ATP2B3: variants seen among roughly 807,000 people sequenced by gnomAD.
ATP2B3 encodes the protein plasma membrane calcium-transporting ATPase 3.
In ATP2B3, 12 loss-of-function variants were observed where a neutral mutation model predicts 70.8. The ratio of observed to expected loss-of-function variants is 0.17; its 90% CI spans 0.11 to 0.27. The LOEUF (loss-of-function observed/expected upper bound fraction) is 0.27, where lower values mean the gene tolerates loss of function less well. Ranked by LOEUF, ATP2B3 falls within the 10% of genes least tolerant of loss-of-function variation. The probability of loss-of-function intolerance (pLI) is 1.00; values close to 1 mark genes in which losing one functional copy is unlikely to be tolerated. For synonymous variants in ATP2B3, 460 were observed against 497.8 expected, an observed-to-expected ratio of 0.92 and a Z score of 1.01; for missense variants, 858 against 1,118.5, an observed-to-expected ratio of 0.77 and a Z score of 3.32.
rs1557009853 is a variant in ATP2B3 at position 153,548,704 on chromosome X, C to T, written c.1188C>T (p.Val396=). ...LVLYFVIETF[V]VEGRTWLAEC... is the part of the protein sequence containing the mutation. ...TCTACTTTGTGATTGAGACGTTTGT[C>T]GTGGAAGGCCGGACATGGCTGGCAG... The change falls in exon 10 of 22, where the codon GTC becomes GTT. Residue 396 remains valine (V), a synonymous_variant. Transcript: ENST00000263519. 1.7e-6 allele frequency: 2 copies of T among 1,209,416 alleles called. No individual in the cohort carries two copies. Among genetic ancestry groups the T allele is most frequent in the South Asian group, 3.5e-5 (2 of 56,717 alleles).
intron 21 of ATP2B3, among the ~76,000 whole-genome samples, chrX:153,571,447 A>G (rs1414512074): frequency 3.6e-5 from 4 of 111,905 alleles, no homozygotes; most frequent in Non-Finnish European, 5.7e-5. Context: ...GCCCCACTCC[A>G]CGCGTTCCTC....
intron 3 of ATP2B3, among the ~76,000 whole-genome samples, chrX:153,539,531 T>G (rs1348924145): frequency 3.5e-5 from 4 of 113,330 alleles, no homozygotes; most frequent in Non-Finnish European, 5.6e-5. Context: ...TGGAGGGTCT[T>G]GTGTGCCTTC....
intron 21 of ATP2B3, among the ~76,000 whole-genome samples, chrX:153,572,197 A>G (rs1194611361): frequency 5.3e-5 from 6 of 112,688 alleles, no homozygotes; most frequent in Non-Finnish European, 1.1e-4. Context: ...TGGATGAGAG[A>G]TGCTCTGAAG....
At position 153,556,036 on chromosome X, in the gene ATP2B3, T is replaced by G. The variant is rs1557013290; in HGVS notation, c.2059-13T>G. 2 of 1,212,134 alleles carry G rather than the reference T, an allele frequency of 1.6e-6. No individual in the cohort carries two copies. The highest frequency in any genetic ancestry group is 2.2e-6 in the Non-Finnish European group (2 of 895,530). ...GCCTCGATGGCCCCGCCCACCTCTCTTGTCTCTTCTAGGTCCCTGAAGCTA... is the reference window on the plus strand; with the variant it reads ...GCCTCGATGGCCCCGCCCACCTCTCGTGTCTCTTCTAGGTCCCTGAAGCTA... On this transcript the variant is annotated splice_polypyrimidine_tract_variant and intron_variant, in intron 13 of 21. Coordinates refer to ENST00000263519, the MANE Select transcript of ATP2B3 (RefSeq NM_001001344.3).
Position 153,547,930 on chromosome X carries a change from G to T in ATP2B3, c.1054G>T (p.Ala352Ser). ...GGAGCGGGAGAAGAAGAAAGCCAAC[G>T]CACCCAAAAAGGAGAAGTCTGTCCT... The part of the protein sequence containing the change: ...MEEREKKKAN[A>S]PKKEKSVLQG... The change falls in exon 9 of 22, where the codon GCA becomes TCA. Residue 352 changes from alanine (A) to serine (S), a missense_variant. Ala to Ser is a moderately conservative substitution (Grantham distance 99). Transcript: ENST00000263519. The T allele has an allele frequency of 8.3e-7, 1 of 1,211,140 alleles. No individual in the cohort carries two copies. Among genetic ancestry groups the T allele is most frequent in the Non-Finnish European group, 1.1e-6 (1 of 895,116 alleles).
chrX:153,569,716 C>A lies in ATP2B3; in HGVS notation c.3342+4613C>A, dbSNP rs1194288881. On this transcript the variant is annotated intron_variant, in intron 21 of 21. Coordinates refer to ENST00000263519, the MANE Select transcript of ATP2B3 (RefSeq NM_001001344.3). ...TAACCAATCTTTCTACCCCTACTCACGCAATTCTCTCTGCTGCCAATCCTA... is the reference window on the plus strand; with the variant it reads ...TAACCAATCTTTCTACCCCTACTCAAGCAATTCTCTCTGCTGCCAATCCTA... 2.5e-6 allele frequency: 3 copies of A among 1,211,688 alleles called. No homozygotes were observed. Among genetic ancestry groups the A allele is most frequent in the Non-Finnish European group, 3.4e-6 (3 of 895,378 alleles).
intron 2 of ATP2B3, among the ~76,000 whole-genome samples, chrX:153,534,779 C>G (rs782113572): frequency 8.8e-6 from 1 of 113,228 alleles, no homozygotes; most frequent in African/African-American, 3.2e-5. Flanking sequence ...CGAGAGTAAA[C>G]GCGCAGGTGC....
intron 2 of ATP2B3, among the ~76,000 whole-genome samples, chrX:153,527,164 G>T (rs188757749): frequency 8.9e-6 from 1 of 112,915 alleles, no homozygotes; most frequent in African/African-American, 3.2e-5. Context: ...GCTGGGACGG[G>T]CACCGAGGTA....
intron 2 of ATP2B3, among the ~76,000 whole-genome samples, chrX:153,526,051 T>G (rs1405385219): frequency 8.9e-6 from 1 of 112,828 alleles, no homozygotes; most frequent in African/African-American, 3.2e-5. Context: ...AGGAGGAAGC[T>G]GGGCTATAGC....
At chrX:153,557,233 C>G (rs2090552261) in intron 16 of ATP2B3, among the ~76,000 whole-genome samples, 1 of 111,291 alleles carries the variant, frequency 9.0e-6, no homozygotes, top group Non-Finnish European at 1.9e-5. Context: ...CTGTGATGCC[C>G]AAGGTGACAG....
intron 3 of ATP2B3, 59 bp downstream of exon 3, chrX:153,536,514 C>T: frequency 9.0e-7 from 1 of 1,117,106 alleles, no homozygotes; most frequent in Non-Finnish European, 1.2e-6. Flanking sequence ...AGAGGAGCGA[C>T]CTGAAGGCAT....
At chrX:153,561,036 G>C in intron 19 of ATP2B3, 149 bp downstream of exon 19, 1 of 632,055 alleles carries the variant, frequency 1.6e-6, no homozygotes. Flanking sequence ...TGTAGCCCCC[G>C]TCCTCTCTGC....
At chrX:153,538,268 A>G (rs2090224183) in intron 3 of ATP2B3, among the ~76,000 whole-genome samples, 1 of 113,026 alleles carries the variant, frequency 8.8e-6, no homozygotes, top group African/African-American at 3.2e-5. Context: ...GTTGTGCCCC[A>G]AGCCCCATGC....
At chrX:153,543,238 C>T (rs1190779674) in intron 7 of ATP2B3, 70 bp downstream of exon 7, 13 of 1,128,727 alleles carry the variant, frequency 1.2e-5, no homozygotes, top group Admixed American at 2.8e-5. Context: ...TCTTTCTTTG[C>T]GGGCCGGTGC....
chrX:153,561,563 G>A (rs1031587078), intron 19 of ATP2B3, among the ~76,000 whole-genome samples: 15 of 111,381 alleles, frequency 1.3e-4, no homozygotes, highest in African/African-American at 2.9e-4. Flanking sequence ...TGGTTCCCTC[G>A]GGGAGGAGCA....
chrX:153,558,346 C>T, intron 17 of ATP2B3, 43 bp downstream of exon 17: 1 of 1,127,572 alleles, frequency 8.9e-7, no homozygotes, highest in African/African-American at 1.8e-5. Flanking sequence ...GACACCTGGG[C>T]TCAGGCCTGA....
Position 153,559,863 on chromosome X carries a change from C to T in ATP2B3, c.2760C>T (p.Leu920=). The change falls in exon 18 of 22, where the codon CTC becomes CTT. Residue 920 remains leucine, a synonymous_variant. Coordinates refer to ENST00000263519, the MANE Select transcript of ATP2B3 (RefSeq NM_001001344.3). ...LRKPYGRDKP[L]ISRTMMKNIL... ...AGCCGTACGGCCGCGACAAGCCCCT[C>T]ATCTCCCGCACCATGATGAAGAACA... The T allele has an allele frequency of 8.2e-7, 1 of 1,212,337 alleles. No individual in the cohort carries two copies. The highest frequency in any genetic ancestry group is 1.1e-6 in the Non-Finnish European group (1 of 895,633).
At chrX:153,556,639 C>G (rs2090541977) in intron 15 of ATP2B3, among the ~76,000 whole-genome samples, 1 of 112,237 alleles carries the variant, frequency 8.9e-6, no homozygotes, top group Admixed American at 9.3e-5. Flanking sequence ...TCTCTAGAAG[C>G]AGTGGGTCTA....
At chrX:153,522,118 G>A (rs1326774101) in intron 2 of ATP2B3, among the ~76,000 whole-genome samples, 2 of 112,626 alleles carry the variant, frequency 1.8e-5, no homozygotes, top group Non-Finnish European at 3.8e-5. Flanking sequence ...GAAAGTGCCA[G>A]GCTGGGCTTG....
Sources: gnomAD v4.1 joint callset for allele counts (sites outside exome capture counted in the v4.1 genomes callset) on GRCh38, gnomAD v4.1.1 for gene constraint, MANE v1.5 for transcripts, NCBI Gene and HGNC (gene_info 2026-07-23, HGNC 2026-07-21) for gene names.